The following LRRTM4 variants were observed in gnomAD, a reference collection of about 807,000 sequenced individuals.
LRRTM4 encodes leucine rich repeat transmembrane neuronal 4.
LRRTM4 carries 25 observed loss-of-function variants against 47.6 expected under a neutral mutation model. That is an observed-to-expected ratio of 0.53 (90% CI 0.38 to 0.73). The LOEUF is 0.73. LRRTM4 is among the 30% of genes least tolerant of loss of function. LRRTM4 has a pLI of 0.00. For synonymous variants in LRRTM4, 311 were observed against 269.5 expected, an observed-to-expected ratio of 1.15 and a Z score of -1.51; for missense variants, 638 against 713.4, an observed-to-expected ratio of 0.89 and a Z score of 1.20.
At chr2:76,859,751 C>G (rs1204419717) in intron 3 of LRRTM4, among the ~76,000 whole-genome samples, 3 of 152,050 alleles carry the variant, frequency 2.0e-5, no homozygotes, top group African/African-American at 7.2e-5. Context: ...AGATAGAAAT[C>G]TTTTGTTATG....
chr2:77,498,770 G>A (rs912130892), intron 3 of LRRTM4, among the ~76,000 whole-genome samples: 1 of 151,760 alleles, frequency 6.6e-6, no homozygotes, highest in Admixed American at 6.6e-5. Flanking sequence ...TCCTGTAACA[G>A]GACTATTATT....
chr2:77,179,021 T>C (rs2103852285), intron 3 of LRRTM4, among the ~76,000 whole-genome samples: 1 of 152,320 alleles, frequency 6.6e-6, no homozygotes, highest in East Asian at 1.9e-4. Flanking sequence ...AGTCAAATCA[T>C]TGTATTTTAG....
intron 3 of LRRTM4, among the ~76,000 whole-genome samples, chr2:76,823,413 C>T (rs1671106631): frequency 6.6e-6 from 1 of 151,396 alleles, no homozygotes; most frequent in Non-Finnish European, 1.5e-5. Context: ...TTATACCTAA[C>T]ACACACATAC....
intron 3 of LRRTM4, among the ~76,000 whole-genome samples, chr2:77,052,608 T>C (rs2103776743): frequency 6.6e-6 from 1 of 152,258 alleles, no homozygotes; most frequent in South Asian, 2.1e-4. Flanking sequence ...GAAGAAGTCA[T>C]ACCATACCAT....
chr2:77,268,465 T>C (rs1188927009), intron 3 of LRRTM4, among the ~76,000 whole-genome samples: 2 of 152,140 alleles, frequency 1.3e-5, no homozygotes, highest in Non-Finnish European at 1.5e-5. Context: ...ATCATCACTC[T>C]TACCATCCTG....
At chr2:77,111,448 G>T (rs2103935338) in intron 3 of LRRTM4, among the ~76,000 whole-genome samples, 1 of 151,944 alleles carries the variant, frequency 6.6e-6, no homozygotes, top group Middle Eastern at 3.4e-3. Context: ...CTTATCACAG[G>T]TTCACTTTCC....
intron 3 of LRRTM4, among the ~76,000 whole-genome samples, chr2:77,291,017 A>G (rs1448276710): frequency 6.6e-6 from 1 of 152,056 alleles, no homozygotes; most frequent in Non-Finnish European, 1.5e-5. Flanking sequence ...CAGCCTACAG[A>G]TAACCTCCAT....
At chr2:77,035,368 T>C (rs948814269) in intron 3 of LRRTM4, among the ~76,000 whole-genome samples, 83 of 151,868 alleles carry the variant, frequency 5.5e-4, no homozygotes, top group African/African-American at 1.8e-3. Flanking sequence ...CATTATAACC[T>C]GGCTATTGAC....
intron 3 of LRRTM4, among the ~76,000 whole-genome samples, chr2:77,460,864 A>C (rs1300835216): frequency 6.6e-6 from 1 of 152,124 alleles, no homozygotes; most frequent in Non-Finnish European, 1.5e-5. Flanking sequence ...AGGCAGGTGC[A>C]TGTCAGTCAT....
intron 3 of LRRTM4, among the ~76,000 whole-genome samples, chr2:77,194,555 C>G (rs1192167909): frequency 2.6e-5 from 4 of 152,274 alleles, no homozygotes; most frequent in Admixed American, 2.6e-4. Flanking sequence ...CTATCAAGTA[C>G]TCAAACATCA....
intron 3 of LRRTM4, among the ~76,000 whole-genome samples, chr2:76,969,475 G>A (rs982873699): frequency 2.0e-5 from 3 of 151,816 alleles, no homozygotes; most frequent in Non-Finnish European, 4.4e-5. Context: ...TAACTTTAGA[G>A]AAATTTTAGG....
chr2:77,179,639 A>C (rs970404686), intron 3 of LRRTM4, among the ~76,000 whole-genome samples: 3 of 152,158 alleles, frequency 2.0e-5, no homozygotes. Context: ...CTATTAAAAA[A>C]ATTAGACCAT....
intron 3 of LRRTM4, among the ~76,000 whole-genome samples, chr2:77,000,278 T>TC (rs1677368345): frequency 6.6e-6 from 1 of 151,218 alleles, no homozygotes; most frequent in African/African-American, 2.4e-5. Flanking sequence ...GAACATACAG[T>TC]CTATCTCCTT....
chr2:76,891,137 A>G (rs1398381744), intron 3 of LRRTM4, among the ~76,000 whole-genome samples: 7 of 151,972 alleles, frequency 4.6e-5, no homozygotes, highest in Non-Finnish European at 1.0e-4. Context: ...TACAGAAAGT[A>G]AAGAGAAACG....
intron 3 of LRRTM4, among the ~76,000 whole-genome samples, chr2:77,245,304 T>C (rs145746768): frequency 1.4e-3 from 210 of 152,068 alleles, no homozygotes; most frequent in African/African-American, 4.4e-3. Flanking sequence ...CCTAGCACTT[T>C]GGGAAGCTGA....
At chr2:76,895,355 G>A (rs1428495497) in intron 3 of LRRTM4, among the ~76,000 whole-genome samples, 1 of 151,954 alleles carries the variant, frequency 6.6e-6, no homozygotes, top group African/African-American at 2.4e-5. Flanking sequence ...CGAAAATTTA[G>A]TAATTATAAA....
At chr2:77,388,654 C>G (rs1673381367) in intron 3 of LRRTM4, among the ~76,000 whole-genome samples, 1 of 151,738 alleles carries the variant, frequency 6.6e-6, no homozygotes, top group Non-Finnish European at 1.5e-5. Flanking sequence ...AGTACTGATT[C>G]AGTTTGGTGT....
At chr2:76,928,601 T>C (rs1674665328) in intron 3 of LRRTM4, among the ~76,000 whole-genome samples, 1 of 152,140 alleles carries the variant, frequency 6.6e-6, no homozygotes, top group African/African-American at 2.4e-5. Flanking sequence ...GGGCATAGAA[T>C]AAAGCTGCTG....
At chr2:76,875,763 G>C (rs1227168734) in intron 3 of LRRTM4, among the ~76,000 whole-genome samples, 1 of 152,108 alleles carries the variant, frequency 6.6e-6, no homozygotes, top group Non-Finnish European at 1.5e-5. Flanking sequence ...GTTGAGATTG[G>C]TTTCCACCCA....
Sources: allele counts gnomAD v4.1 joint callset (sites outside exome capture counted in the v4.1 genomes callset), GRCh38; gene constraint gnomAD v4.1.1; transcripts MANE v1.5; gene names NCBI Gene and HGNC (gene_info 2026-07-23, HGNC 2026-07-21).